The following ENOX1 variants were observed in gnomAD, a reference collection of about 807,000 sequenced individuals.
The protein encoded by ENOX1 is ecto-NOX disulfide-thiol exchanger 1, also known as candidate growth-related and time keeping constitutive hydroquinone (NADH) oxidase.
A neutral mutation model predicts 82.5 loss-of-function variants in ENOX1; 42 were observed. That is an observed-to-expected ratio of 0.51 (90% confidence interval 0.40 to 0.66). The LOEUF (loss-of-function observed/expected upper bound fraction) is 0.66. Ranked by LOEUF, ENOX1 falls within the 30% of genes least tolerant of loss-of-function variation. ENOX1 has a pLI of 0.00. For missense variants in ENOX1, 608 were observed against 811.6 expected (o/e 0.75, Z 3.05); for synonymous variants, 271 against 282.2 (o/e 0.96, Z 0.40).
At chr13:43,244,541 G>T (rs2042988435) in intron 14 of ENOX1, among the ~76,000 whole-genome samples, 1 of 152,096 alleles carries the variant, frequency 6.6e-6, no homozygotes, top group Non-Finnish European at 1.5e-5. Flanking sequence ...GAAAGAAAAA[G>T]AAACCAATGA....
At chr13:43,579,533 A>G (rs534932227) in intron 2 of ENOX1, among the ~76,000 whole-genome samples, 1 of 152,334 alleles carries the variant, frequency 6.6e-6, no homozygotes, top group East Asian at 1.9e-4. Context: ...CAAGGGATTC[A>G]GTGTCTTCTC....
intron 3 of ENOX1, among the ~76,000 whole-genome samples, chr13:43,450,566 G>C (rs2056911048): frequency 6.6e-6 from 1 of 152,112 alleles, no homozygotes; most frequent in East Asian, 1.9e-4. Flanking sequence ...GGTTTCCATG[G>C]AAAGAACAGG....
At chr13:43,370,437 C>T (rs1363229473) in intron 5 of ENOX1, among the ~76,000 whole-genome samples, 1 of 152,130 alleles carries the variant, frequency 6.6e-6, no homozygotes, top group Non-Finnish European at 1.5e-5. Context: ...CTTCTGAATC[C>T]TCTGTTGTAA....
At chr13:43,533,517 C>T (rs565594756) in intron 2 of ENOX1, among the ~76,000 whole-genome samples, 2 of 152,268 alleles carry the variant, frequency 1.3e-5, no homozygotes, top group East Asian at 3.9e-4. Flanking sequence ...CAACTACCTT[C>T]CTGTCCTCAC....
chr13:43,502,341 G>A lies in ENOX1; in HGVS notation c.-218-18189C>T, dbSNP rs137950259. Among the ~76,000 whole-genome samples the A allele has an allele frequency of 3.8e-3, 574 of 151,652 alleles. 4 individuals carry two copies. The highest frequency in any genetic ancestry group is 0.013 in the African/African-American group (523 of 41,484). ...CTTAAACTCTCAAAAACTAGAAGAG[G>A]AAACACTTTCAAACTCATTTTATGA... On this transcript the variant is annotated intron_variant, in intron 2 of 16. Transcript: ENST00000690772.
At chr13:43,668,169 A>G (rs1300014335) in intron 1 of ENOX1, among the ~76,000 whole-genome samples, 1 of 152,210 alleles carries the variant, frequency 6.6e-6, no homozygotes, top group African/African-American at 2.4e-5. Context: ...GTCCACAGGC[A>G]GCAAAATCAG....
chr13:43,697,425 T>C (rs758339686), intron 1 of ENOX1, among the ~76,000 whole-genome samples: 16 of 152,148 alleles, frequency 1.1e-4, no homozygotes, highest in Non-Finnish European at 2.1e-4. Flanking sequence ...TGACCAAATT[T>C]TAGGGCTCAA....
intron 15 of ENOX1, among the ~76,000 whole-genome samples, chr13:43,226,420 G>A (rs1239195524): frequency 5.9e-5 from 9 of 152,162 alleles, no homozygotes; most frequent in African/African-American, 2.2e-4. Flanking sequence ...TCATTTCTTT[G>A]TGTTGAGAAC....
Position 43,401,441 on chromosome 13 carries a change from G to A in ENOX1, c.208+10475C>T, listed in dbSNP as rs113511961. ...AGCCACTGTCTAGAAGGTTTCCAGGGCTTAATGCAAGGAAGAGAAACCAGA... is the reference window on the plus strand; with the variant it reads ...AGCCACTGTCTAGAAGGTTTCCAGGACTTAATGCAAGGAAGAGAAACCAGA... On this transcript the variant is annotated intron_variant, in intron 5 of 16. Coordinates refer to ENST00000690772, the MANE Select transcript of ENOX1 (RefSeq NM_001347969.2). Among the ~76,000 whole-genome samples, 106 of 152,288 alleles carry A rather than the reference G, an allele frequency of 7.0e-4. 2 individuals are homozygous for A. The highest frequency in any genetic ancestry group is 2.3e-3 in the African/African-American group (96 of 41,544).
In ENOX1 at chr13:43,765,063, G is replaced by A. The variant is rs558932843; in HGVS notation, c.-285+21589C>T. ...CACCTTAACTGATCCATAGGAACAC[G>A]CCCTGACCTGTACATGGACCAAATG... On this transcript the variant is annotated intron_variant, in intron 1 of 16. Coordinates refer to ENST00000690772, the MANE Select transcript of ENOX1 (RefSeq NM_001347969.2). Among the ~76,000 whole-genome samples, 9 of 152,268 alleles carry A rather than the reference G, an allele frequency of 5.9e-5. No homozygotes were observed. The East Asian group carries it at 1.2e-3, about 20-fold the overall frequency.
intron 1 of ENOX1, among the ~76,000 whole-genome samples, chr13:43,718,013 C>T (rs1357515894): frequency 6.6e-6 from 1 of 152,188 alleles, no homozygotes; most frequent in East Asian, 1.9e-4. Flanking sequence ...TCCATTTGAG[C>T]TAGCAACTCA....
At chr13:43,334,831 T>G (rs950537961) in intron 9 of ENOX1, among the ~76,000 whole-genome samples, 1 of 152,138 alleles carries the variant, frequency 6.6e-6, no homozygotes, top group Non-Finnish European at 1.5e-5. Flanking sequence ...CCTACTTTTT[T>G]TGAAATAAAA....
chr13:43,476,386 T>A (rs1022980254), intron 3 of ENOX1, among the ~76,000 whole-genome samples: 1 of 151,518 alleles, frequency 6.6e-6, no homozygotes, highest in Non-Finnish European at 1.5e-5. Flanking sequence ...TAAAAAAAAG[T>A]GCATATTTTT....
At chr13:43,528,255 AAT>A (rs989971227) in intron 2 of ENOX1, among the ~76,000 whole-genome samples, 31 of 152,130 alleles carry the variant, frequency 2.0e-4, no homozygotes, top group African/African-American at 7.2e-4. Context: ...GCCAACAGAG[AAT>A]ATGTTTCTTT....
chr13:43,745,748 A>AG (rs1239010092), intron 1 of ENOX1, among the ~76,000 whole-genome samples: 2 of 152,108 alleles, frequency 1.3e-5, no homozygotes, highest in Non-Finnish European at 2.9e-5. Context: ...GGGACCCAGT[A>AG]GGGGGTGATT....
intron 3 of ENOX1, among the ~76,000 whole-genome samples, chr13:43,452,604 C>A (rs1242877930): frequency 6.6e-6 from 1 of 152,034 alleles, no homozygotes; most frequent in South Asian, 2.1e-4. Flanking sequence ...CTCACTGCAA[C>A]CTCTGTCTCC....
At chr13:43,521,887 C>T (rs938147773) in intron 2 of ENOX1, among the ~76,000 whole-genome samples, 1 of 151,920 alleles carries the variant, frequency 6.6e-6, no homozygotes, top group African/African-American at 2.4e-5. Flanking sequence ...AGGAGAGTGG[C>T]CCTAAATGAA....
rs1190934335 is a variant in ENOX1 at position 43,681,519 on chromosome 13, A to ACAAGAAT, written c.-284-13982_-284-13976dup. 3.3e-5 allele frequency among the ~76,000 whole-genome samples: 5 copies of ACAAGAAT among 152,170 alleles called. 1 individual carries two copies. Among genetic ancestry groups the ACAAGAAT allele is most frequent in the African/African-American group, 9.7e-5 (4 of 41,448 alleles). ...TTGAGAATTTTTTTTAAATGAGTTA[A>ACAAGAAT]CAAGAATCTTACTGTTTTTAATTTA... On this transcript the variant is annotated intron_variant, in intron 1 of 16. Coordinates refer to ENST00000690772, the MANE Select transcript of ENOX1 (RefSeq NM_001347969.2).
In ENOX1 at chr13:43,490,531, G is replaced by A. The variant is rs187505436; in HGVS notation, c.-218-6379C>T. Among the ~76,000 whole-genome samples, 290 of 152,258 alleles carry A rather than the reference G, an allele frequency of 1.9e-3. 1 individual carries two copies. Among genetic ancestry groups the A allele is most frequent in the Non-Finnish European group, 2.6e-3 (177 of 68,018 alleles). ...TTCAAAATTCAGGTGTTGGCAATGT[G>A]ATATTATTAAGAAATTGGGCTTTTA... is the stretch of plus-strand genomic sequence containing the variant. On this transcript the variant is annotated intron_variant, in intron 2 of 16. Coordinates refer to ENST00000690772, the MANE Select transcript of ENOX1 (RefSeq NM_001347969.2).
Sources: allele counts gnomAD v4.1 joint callset (sites outside exome capture counted in the v4.1 genomes callset), GRCh38; gene constraint gnomAD v4.1.1; transcripts MANE v1.5; gene names NCBI Gene and HGNC (gene_info 2026-07-23, HGNC 2026-07-21).